Variants in AP5Z1 observed in about 807,000 individuals in gnomAD.
AP5Z1 encodes adaptor related protein complex 5 subunit zeta 1.
A neutral mutation model predicts 83.0 loss-of-function variants in AP5Z1; 106 were observed. The ratio of observed to expected loss-of-function variants is 1.28; its 90% CI spans 1.09 to 1.50. The LOEUF is 1.50. Among genes scored for constraint, AP5Z1 ranks in the 40% most tolerant of loss-of-function variants. The pLI is 0.00. For synonymous variants in AP5Z1, 751 were observed against 514.1 expected (o/e 1.46, Z -6.23); for missense variants, 1,565 against 1,094.2 (o/e 1.43, Z -6.07).
chr7:4,785,131 CCT>C, intron 7 of AP5Z1, 83 bp downstream of exon 7: 4 of 1,511,908 alleles, frequency 2.6e-6, no homozygotes, highest in Non-Finnish European at 3.5e-6. Context: ...GCACAGCTTC[CCT>C]GAGCTACTGC....
chr7:4,782,496 G>A lies in AP5Z1; in HGVS notation c.366+742G>A, dbSNP rs549685034. ...GCGATGGAGCTGGGCTTTTCCCTCC[G>A]TTCCCAGCCTGCAGCGTCATGAGTT... On this transcript the variant is annotated intron_variant, in intron 3 of 16. Transcript: ENST00000649063. Among the ~76,000 whole-genome samples the A allele has an allele frequency of 5.9e-5, 9 of 152,272 alleles. No homozygotes were observed. In the East Asian group the frequency reaches 1.3e-3, roughly 23 times the overall value.
rs758146937 is a variant in AP5Z1 at position 4,790,759 on chromosome 7, G to T, written c.2025G>T (p.Glu675Asp). Residue 675 changes from glutamate to aspartate, a missense_variant, in exon 16 of 17, where the codon GAG becomes GAT. Transcript: ENST00000649063. ...TCAACAAGTTCTTCGAAGCCCTGGAGGCTCTGCTATTCGAGGTCACCCAGT... is the reference window on the plus strand; with the variant it reads ...TCAACAAGTTCTTCGAAGCCCTGGATGCTCTGCTATTCGAGGTCACCCAGT... ...EQINKFFEAL[E>D]ALLFEVTQCR... is the part of the protein sequence containing the mutation. The T allele has an allele frequency of 1.4e-5, 22 of 1,609,394 alleles. No homozygotes were observed. In the South Asian group the frequency reaches 2.3e-4, roughly 17 times the overall value.
At chr7:4,785,127 C>A in intron 7 of AP5Z1, 79 bp downstream of exon 7, 1 of 1,512,896 alleles carries the variant, frequency 6.6e-7, no homozygotes, top group South Asian at 1.3e-5. Context: ...GCCAGCACAG[C>A]TTCCCTGAGC....
chr7:4,775,676 G>T lies in AP5Z1; in HGVS notation c.-40G>T, dbSNP rs1283382097. On this transcript the variant is annotated 5_prime_UTR_variant, in exon 1 of 17. Transcript: ENST00000649063. Reference sequence around the variant, plus strand: ...CGGAGCTCCTGGGCTGCAGCTCCTGGAGTTTCCGAGGTTCGTGCGCGTCTG... The same window carrying T: ...CGGAGCTCCTGGGCTGCAGCTCCTGTAGTTTCCGAGGTTCGTGCGCGTCTG... 6.2e-7 allele frequency: 1 copy of T among 1,605,656 alleles called. No individual in the cohort carries two copies.
rs1032040384 is a variant in AP5Z1, at chr7:4,792,251, C to G, written c.*866C>G. 3 of 152,294 alleles carry G rather than the reference C, an allele frequency of 2.0e-5. No homozygotes were observed. Among genetic ancestry groups the G allele is most frequent in the Non-Finnish European group, 4.4e-5 (3 of 68,128 alleles). 9.4% of individuals were successfully genotyped at this position (152,294 alleles called of 1,614,324 possible). A position where few individuals can be genotyped will look rare whatever the true frequency, so the allele number is the denominator to read the frequency against. ...CCGGTGCCTGGGACGGGCTCAGCCG[C>G]CAGGGGGCGCCGCCGCCCCGAGAGC... On this transcript the variant is annotated 3_prime_UTR_variant, in exon 17 of 17. Transcript: ENST00000649063.
chr7:4,780,017 C>A (rs1337835408), intron 1 of AP5Z1, among the ~76,000 whole-genome samples: 1 of 152,020 alleles, frequency 6.6e-6, no homozygotes, highest in Admixed American at 6.5e-5. Flanking sequence ...CTGCACTCAA[C>A]TCATCCTCCC....
chr7:4,789,151 A>G (rs1170070054), intron 13 of AP5Z1, 200 bp downstream of exon 13: 3 of 531,214 alleles, frequency 5.6e-6, no homozygotes, highest in South Asian at 4.8e-5. Context: ...CCTTTATTCC[A>G]GCAGGCCCCG....
intron 1 of AP5Z1, among the ~76,000 whole-genome samples, chr7:4,779,737 T>G (rs1416490923): frequency 2.0e-5 from 3 of 151,760 alleles, no homozygotes; most frequent in African/African-American, 7.3e-5. Context: ...TCCTCCCGGG[T>G]TCAAGTGATT....
chr7:4,784,967 GGCCGCCTGCT>G lies in AP5Z1; in HGVS notation c.857_866del (p.Leu286ProfsTer25), dbSNP rs1781493252. ...GGTGATCTCCGCCACCTCCTCTGCC[GGCCGCCTGCT>G]GCCGCCCCGGGAGCGGCTTCGGGAG... On this transcript the variant is annotated frameshift_variant, in exon 7 of 17. Coordinates refer to ENST00000649063, the MANE Select transcript of AP5Z1 (RefSeq NM_014855.3). LOFTEE classifies it high-confidence loss of function. 3 of 1,612,134 alleles carry G rather than the reference GGCCGCCTGCT, an allele frequency of 1.9e-6. No homozygotes were observed. The highest frequency in any genetic ancestry group is 2.5e-6 in the Non-Finnish European group (3 of 1,179,466).
chr7:4,788,786 T>C (rs1253874704), intron 12 of AP5Z1, 54 bp from the exon 13 acceptor site: 9 of 1,464,468 alleles, frequency 6.1e-6, no homozygotes, highest in Middle Eastern at 1.9e-4. Flanking sequence ...GGCCCCGGCC[T>C]GCAGTCACCA....
chr7:4,784,345 C>G lies in AP5Z1; in HGVS notation c.764C>G (p.Pro255Arg). ...MLRAWLLHSGPEGPGTLDTDD... is the reference protein window; with the variant it reads ...MLRAWLLHSGREGPGTLDTDD... ...CGGGCGTGGCTGCTGCACAGCGGCCCCGAGGGCCCGGGCACCCTGGACACA... is the reference window on the plus strand; with the variant it reads ...CGGGCGTGGCTGCTGCACAGCGGCCGCGAGGGCCCGGGCACCCTGGACACA... Residue 255 changes from proline (P) to arginine (R), a missense_variant, in exon 6 of 17, where the codon CCC becomes CGC. Pro to Arg is a moderately radical substitution (Grantham distance 103). Transcript: ENST00000649063. The G allele has an allele frequency of 6.3e-7, 1 of 1,598,174 alleles. No homozygotes were observed. The highest frequency in any genetic ancestry group is 1.7e-4 in the Middle Eastern group (1 of 6,032).
At chr7:4,786,592 C>G (rs1033204347) in intron 10 of AP5Z1, among the ~76,000 whole-genome samples, 164 bp downstream of exon 10, 2 of 152,208 alleles carry the variant, frequency 1.3e-5, no homozygotes, top group African/African-American at 4.8e-5. Context: ...TCTGGGGTGT[C>G]CCTGCAGCGT....
intron 14 of AP5Z1, 56 bp downstream of exon 14, chr7:4,789,985 C>CCCCCTCCCCCCCCCCCCCCCCCCCCCCCA: frequency 1.3e-6 from 1 of 789,968 alleles, no homozygotes. Context: ...CTGGACTCCT[C>CCCCCTCCCCCCCCCCCCCCCCCCCCCCCA]CCCCTCTCCC....
chr7:4,782,179 A>C (rs922233488), intron 3 of AP5Z1, among the ~76,000 whole-genome samples: 1 of 152,056 alleles, frequency 6.6e-6, no homozygotes, highest in Non-Finnish European at 1.5e-5. Context: ...CAGCCTCCTG[A>C]GTAGCTGGGA....
intron 7 of AP5Z1, 38 bp from the exon 8 acceptor site, chr7:4,785,377 C>T: frequency 3.1e-6 from 5 of 1,608,184 alleles, no homozygotes; most frequent in South Asian, 1.1e-5. Flanking sequence ...CACTCTAAGG[C>T]TGAGACAGAG....
chr7:4,781,110 GT>G, intron 1 of AP5Z1, 64 bp from the exon 2 acceptor site: 2 of 1,579,818 alleles, frequency 1.3e-6, no homozygotes, highest in Non-Finnish European at 1.7e-6. Flanking sequence ...TGCTCCAAGG[GT>G]TATCCTTTTT....
intron 14 of AP5Z1, 56 bp from the exon 15 acceptor site, chr7:4,790,403 T>C (rs1781722912): frequency 1.2e-6 from 2 of 1,611,294 alleles, no homozygotes; most frequent in African/African-American, 2.7e-5. Context: ...TTGGCCTGGA[T>C]GGGGATGGGG....
intron 10 of AP5Z1, among the ~76,000 whole-genome samples, chr7:4,787,111 C>G (rs1781572244): frequency 1.3e-5 from 2 of 152,136 alleles, no homozygotes; most frequent in Admixed American, 1.3e-4. Flanking sequence ...GCAGCCTCGC[C>G]TCGCTGTAAG....
chr7:4,784,043 G>C (rs1048071609), intron 5 of AP5Z1, among the ~76,000 whole-genome samples, 160 bp from the exon 6 acceptor site: 1 of 152,192 alleles, frequency 6.6e-6, no homozygotes, highest in Non-Finnish European at 1.5e-5. Context: ...TCTGCCTGGG[G>C]GTCAGGTGGG....
Sources: gnomAD v4.1 joint callset for allele counts (sites outside exome capture counted in the v4.1 genomes callset) on GRCh38, gnomAD v4.1.1 for gene constraint, MANE v1.5 for transcripts, NCBI Gene and HGNC (gene_info 2026-07-23, HGNC 2026-07-21) for gene names.